EYS: variants seen among roughly 807,000 people sequenced by gnomAD.
EYS encodes EGF-like photoreceptor maintenance factor, also known as protein eyes shut homolog.
A neutral mutation model predicts 282.1 loss-of-function variants in EYS; 250 were observed. The ratio of observed to expected loss-of-function variants is 0.89; its 90% CI spans 0.80 to 0.98. EYS has a LOEUF of 0.98. EYS is among the 50% of genes least tolerant of loss of function. EYS has a pLI of 0.00. For synonymous variants in EYS, 1,355 were observed against 1,282.9 expected (o/e 1.06, Z -1.20); for missense variants, 4,016 against 3,709.0 (o/e 1.08, Z -2.15).
intron 22 of EYS, among the ~76,000 whole-genome samples, chr6:64,777,195 A>G (rs1004004111): frequency 6.6e-6 from 1 of 152,222 alleles, no homozygotes. Context: ...CAGCTAAACC[A>G]TATCAGATGT....
At chr6:64,454,899 G>A (rs1006524411) in intron 26 of EYS, among the ~76,000 whole-genome samples, 6 of 152,030 alleles carry the variant, frequency 3.9e-5, no homozygotes, top group African/African-American at 7.2e-5. Flanking sequence ...ATGTAGTTTC[G>A]TAATTTATCT....
intron 26 of EYS, among the ~76,000 whole-genome samples, chr6:64,587,094 C>T (rs1370903299): frequency 6.6e-6 from 1 of 152,082 alleles, no homozygotes; most frequent in African/African-American, 2.4e-5. Context: ...CAATCATGCA[C>T]TTCAAAAAGT....
chr6:64,546,297 G>T (rs911678108), intron 26 of EYS, among the ~76,000 whole-genome samples: 5 of 152,164 alleles, frequency 3.3e-5, no homozygotes, highest in Non-Finnish European at 5.9e-5. Flanking sequence ...AATAAATGGT[G>T]CTGGGAAAAC....
At chr6:64,732,534 A>G (rs1055673554) in intron 22 of EYS, among the ~76,000 whole-genome samples, 1 of 152,232 alleles carries the variant, frequency 6.6e-6, no homozygotes, top group Non-Finnish European at 1.5e-5. Flanking sequence ...TATGAATTAT[A>G]CTAATTTATT....
chr6:65,605,522 C>T (rs1044598383), intron 2 of EYS, among the ~76,000 whole-genome samples: 1 of 151,718 alleles, frequency 6.6e-6, no homozygotes, highest in East Asian at 1.9e-4. Context: ...AATGACATTA[C>T]CTTTGATTCA....
chr6:65,648,318 G>A (rs1016454595), intron 1 of EYS, among the ~76,000 whole-genome samples: 9 of 84,596 alleles, frequency 1.1e-4, no homozygotes, highest in East Asian at 4.6e-4. Flanking sequence ...AAATATATGT[G>A]TGTGTGTGTG....
chr6:65,070,696 C>A (rs1485123738), intron 12 of EYS, among the ~76,000 whole-genome samples: 1 of 151,600 alleles, frequency 6.6e-6, no homozygotes, highest in Non-Finnish European at 1.5e-5. Context: ...GGGGGCAAAT[C>A]TGGATTAGGT....
chr6:65,516,628 T>C (rs1767146218), intron 2 of EYS, among the ~76,000 whole-genome samples: 1 of 152,104 alleles, frequency 6.6e-6, no homozygotes, highest in African/African-American at 2.4e-5. Context: ...TTAATCTGCA[T>C]CAGGCCCAAT....
chr6:64,544,310 T>C (rs2485432), intron 26 of EYS, among the ~76,000 whole-genome samples: 115,597 of 152,144 alleles, frequency 0.76, 44,726 homozygotes, highest in African/African-American at 0.92. Flanking sequence ...CAAGGCACAA[T>C]CAGGGAAAGA....
At chr6:64,718,789 T>C (rs927859639) in intron 22 of EYS, among the ~76,000 whole-genome samples, 1 of 152,196 alleles carries the variant, frequency 6.6e-6, no homozygotes, top group Non-Finnish European at 1.5e-5. Context: ...GTATATGCCA[T>C]GCAATATCAT....
chr6:63,802,226 G>A (rs904263511), intron 37 of EYS, among the ~76,000 whole-genome samples: 1 of 151,958 alleles, frequency 6.6e-6, no homozygotes, highest in Non-Finnish European at 1.5e-5. Flanking sequence ...ACATACCTTA[G>A]TCCATACTTG....
chr6:64,323,555 T>C (rs1041611365), intron 29 of EYS, among the ~76,000 whole-genome samples: 3 of 152,162 alleles, frequency 2.0e-5, no homozygotes, highest in Non-Finnish European at 2.9e-5. Flanking sequence ...ATTTTCTTTA[T>C]ACATTTGTGT....
intron 12 of EYS, among the ~76,000 whole-genome samples, chr6:65,241,649 A>T (rs9445490): frequency 0.018 from 2,797 of 152,158 alleles, 74 homozygotes; most frequent in African/African-American, 0.058. Flanking sequence ...ATCTTTGCTT[A>T]TCAGTTAAAG....
chr6:65,008,108 A>G (rs1192323242), intron 13 of EYS, among the ~76,000 whole-genome samples: 1 of 152,152 alleles, frequency 6.6e-6, no homozygotes, highest in Non-Finnish European at 1.5e-5. Context: ...GAACATGGAG[A>G]TTGGTGCCAC....
chr6:65,372,992 C>A, intron 8 of EYS, among the ~76,000 whole-genome samples: 1 of 152,054 alleles, frequency 6.6e-6, no homozygotes, highest in East Asian at 1.9e-4. Flanking sequence ...TTTTTGTTCT[C>A]TTTTTAATTT....
At chr6:65,680,459 A>G (rs1292899915) in intron 1 of EYS, among the ~76,000 whole-genome samples, 1 of 151,994 alleles carries the variant, frequency 6.6e-6, no homozygotes, top group Non-Finnish European at 1.5e-5. Context: ...CATTTTATTC[A>G]TTCTATAGTA....
In EYS at chr6:64,299,088, A is replaced by T. The variant is rs868749434; in HGVS notation, c.6191+7882T>A. ...CGGAAGGTTTTGCAAAAGCCTAAGG[A>T]TAGGGTTATGGGTGAAGGCAGCCTA... On this transcript the variant is annotated intron_variant, in intron 30 of 42. Transcript: ENST00000503581. 3.9e-5 allele frequency among the ~76,000 whole-genome samples: 6 copies of T among 152,268 alleles called. No homozygotes were observed. The Middle Eastern group carries it at 0.01, about 259-fold the overall frequency.
chr6:64,043,487 G>GACA (rs1277501884), intron 33 of EYS, among the ~76,000 whole-genome samples: 7 of 152,230 alleles, frequency 4.6e-5, no homozygotes, highest in Admixed American at 6.5e-5. Context: ...CATTACTTTT[G>GACA]TGCCATCACA....
intron 12 of EYS, among the ~76,000 whole-genome samples, chr6:65,179,067 T>C (rs1295104587): frequency 6.6e-6 from 1 of 152,024 alleles, no homozygotes; most frequent in Non-Finnish European, 1.5e-5. Flanking sequence ...AAGCAATGTG[T>C]AGAGGGAAAT....
Sources: gnomAD v4.1 joint callset for allele counts (sites outside exome capture counted in the v4.1 genomes callset) on GRCh38, gnomAD v4.1.1 for gene constraint, MANE v1.5 for transcripts, NCBI Gene and HGNC (gene_info 2026-07-23, HGNC 2026-07-21) for gene names.